DAOA: variants seen among roughly 807,000 people sequenced by gnomAD.
The protein encoded by DAOA is D-amino acid oxidase regulator.
In DAOA, 15 loss-of-function variants were observed where a neutral mutation model predicts 16.4. The observed-to-expected ratio is 0.91, with a 90% CI of 0.61 to 1.41. The LOEUF is 1.41. DAOA is among the 40% of genes most tolerant of loss of function. The probability of loss-of-function intolerance (pLI) is 0.00; values close to 1 mark genes in which losing one functional copy is unlikely to be tolerated. For synonymous variants in DAOA, 75 were observed against 59.1 expected, an observed-to-expected ratio of 1.27 and a Z score of -1.23; for missense variants, 230 against 176.8, an observed-to-expected ratio of 1.30 and a Z score of -1.71.
intron 3 of DAOA, among the ~76,000 whole-genome samples, chr13:105,470,930 A>G (rs1876897233): frequency 6.6e-6 from 1 of 152,000 alleles, no homozygotes; most frequent in South Asian, 2.1e-4. Flanking sequence ...AGCTGGGACT[A>G]CAGGCGCCCA....
intron 4 of DAOA, among the ~76,000 whole-genome samples, chr13:105,474,375 T>A (rs1397914438): frequency 6.6e-6 from 1 of 152,052 alleles, no homozygotes; most frequent in East Asian, 1.9e-4. Context: ...CGCGTGTGTG[T>A]GTGCGTGTGT....
At chr13:105,486,701 C>A (rs553784424) in intron 4 of DAOA, among the ~76,000 whole-genome samples, 2 of 151,916 alleles carry the variant, frequency 1.3e-5, no homozygotes, top group Non-Finnish European at 2.9e-5. Flanking sequence ...TCACTGCAAC[C>A]TCTGCCTCCC....
intron 4 of DAOA, among the ~76,000 whole-genome samples, chr13:105,481,873 A>C (rs1877771283): frequency 6.6e-6 from 1 of 152,308 alleles, no homozygotes; most frequent in Admixed American, 6.5e-5. Flanking sequence ...AATGTTTTTT[A>C]TACTTGCTGT....
At chr13:105,474,506 A>G (rs1877209364) in intron 4 of DAOA, among the ~76,000 whole-genome samples, 1 of 152,112 alleles carries the variant, frequency 6.6e-6, no homozygotes, top group African/African-American at 2.4e-5. Flanking sequence ...ACAATGTTCT[A>G]TCAACTTGCA....
chr13:105,484,850 T>C (rs928973861), intron 4 of DAOA, among the ~76,000 whole-genome samples: 2 of 152,198 alleles, frequency 1.3e-5, no homozygotes, highest in Non-Finnish European at 2.9e-5. Context: ...TAAATAGAAA[T>C]ATTGAAAGCA....
chr13:105,478,066 G>T (rs896439914), intron 4 of DAOA, among the ~76,000 whole-genome samples: 1 of 152,204 alleles, frequency 6.6e-6, no homozygotes, highest in African/African-American at 2.4e-5. Context: ...AATATATTTG[G>T]TTTCTTGGTC....
intron 4 of DAOA, among the ~76,000 whole-genome samples, chr13:105,478,815 T>A (rs1226454096): frequency 6.6e-6 from 1 of 152,202 alleles, no homozygotes; most frequent in Non-Finnish European, 1.5e-5. Flanking sequence ...GTTTTGCTAT[T>A]TCATTATGCC....
At chr13:105,481,142 G>C (rs150100853) in intron 4 of DAOA, among the ~76,000 whole-genome samples, 1 of 152,132 alleles carries the variant, frequency 6.6e-6, no homozygotes, top group African/African-American at 2.4e-5. Context: ...TGAACTCCTT[G>C]GAAACATATT....
rs995108905 is a variant in DAOA at position 105,490,157 on chromosome 13, C to G, written c.*76C>G. 6.8e-6 allele frequency: 10 copies of G among 1,472,834 alleles called. No individual in the cohort carries two copies. In the African/African-American group the frequency reaches 1.3e-4, roughly 19 times the overall value. The allele number at this position is 1,472,834 out of a possible 1,614,324, so 91.2% of individuals were successfully genotyped here. A position where few individuals can be genotyped will look rare whatever the true frequency, so the allele number is the denominator to read the frequency against. On this transcript the variant is annotated 3_prime_UTR_variant, in exon 5 of 6. Transcript: ENST00000375936. ...GGCCAACATCTTCACTGGACTCTGA[C>G]GGACTCTGTGTCTGGGACCCAGCTG... is the stretch of plus-strand genomic sequence containing the variant.
intron 5 of DAOA, chr13:105,490,646 G>T (rs1289941278): frequency 6.6e-6 from 1 of 151,924 alleles, no homozygotes; most frequent in Non-Finnish European, 1.5e-5. Context: ...AATAATGGAA[G>T]CATTACTTTT....
intron 5 of DAOA, 24 bp from the exon 6 acceptor site, chr13:105,490,888 A>G (rs1026549318): frequency 4.6e-5 from 7 of 152,026 alleles, no homozygotes; most frequent in African/African-American, 1.7e-4. Context: ...TTTTCTTATT[A>G]TTGTTTTGTT....
chr13:105,490,180 CTGA>C lies in DAOA; in HGVS notation c.*101_*103del. Reference sequence around the variant, plus strand: ...GACGGACTCTGTGTCTGGGACCCAGCTGATAACACGTGGTAATATGTTTTATAA... The same window carrying C: ...GACGGACTCTGTGTCTGGGACCCAGCTAACACGTGGTAATATGTTTTATAA... On this transcript the variant is annotated 3_prime_UTR_variant, in exon 5 of 6. Coordinates refer to ENST00000375936, the MANE Select transcript of DAOA (RefSeq NM_172370.5). 7.4e-7 allele frequency: 1 copy of C among 1,359,286 alleles called. No individual in the cohort carries two copies. Among genetic ancestry groups the C allele is most frequent in the Non-Finnish European group, 9.6e-7 (1 of 1,042,212 alleles). 84.2% of individuals were successfully genotyped at this position (1,359,286 alleles called of 1,614,324 possible). A position where few individuals can be genotyped will look rare whatever the true frequency, so the allele number is the denominator to read the frequency against.
At chr13:105,487,464 C>T (rs976915123) in intron 4 of DAOA, among the ~76,000 whole-genome samples, 1 of 152,042 alleles carries the variant, frequency 6.6e-6, no homozygotes. Context: ...TTAACATTCC[C>T]TGTCTTTGGA....
chr13:105,480,133 C>T (rs1877611229), intron 4 of DAOA, among the ~76,000 whole-genome samples: 1 of 152,116 alleles, frequency 6.6e-6, no homozygotes, highest in South Asian at 2.1e-4. Context: ...AATATTCAGC[C>T]AGTCACATCT....
chr13:105,468,481 G>A (rs954613929), intron 3 of DAOA, among the ~76,000 whole-genome samples: 2 of 152,102 alleles, frequency 1.3e-5, no homozygotes, highest in Admixed American at 1.3e-4. Context: ...ATGATTACTT[G>A]AATATGTTGG....
At chr13:105,482,671 C>A (rs888418463) in intron 4 of DAOA, among the ~76,000 whole-genome samples, 1 of 151,958 alleles carries the variant, frequency 6.6e-6, no homozygotes, top group African/African-American at 2.4e-5. Flanking sequence ...CCACGTCTGG[C>A]TACTTTTTGT....
At position 105,467,134 on chromosome 13, in the gene DAOA, C is replaced by G. The variant is rs367543078; in HGVS notation, c.126C>G (p.Asn42Lys). 3 of 1,608,086 alleles carry G rather than the reference C, an allele frequency of 1.9e-6. No individual in the cohort carries two copies. The highest frequency in any genetic ancestry group is 1.1e-5 in the South Asian group (1 of 90,480). ...ILLSKSENSL[N>K]SIAKETEEGR... ...TGAGCAAATCTGAAAACTCTCTAAA[C>G]TCTATTGGTATGTTACTCTTTATCT... is the stretch of plus-strand genomic sequence containing the variant. The change falls in exon 3 of 6, where the codon AAC (asparagine) becomes AAG (lysine). Residue 42 changes from asparagine (N) to lysine (K), a missense_variant. Asn to Lys is a moderately conservative substitution (Grantham distance 94). Coordinates refer to ENST00000375936, the MANE Select transcript of DAOA (RefSeq NM_172370.5).
intron 4 of DAOA, among the ~76,000 whole-genome samples, chr13:105,484,952 GT>G (rs1321521796): frequency 6.6e-6 from 1 of 152,154 alleles, no homozygotes; most frequent in Non-Finnish European, 1.5e-5. Context: ...GCTGCCTGAT[GT>G]TTTTTGTCTC....
chr13:105,484,494 C>T (rs1877975300), intron 4 of DAOA, among the ~76,000 whole-genome samples: 1 of 151,930 alleles, frequency 6.6e-6, no homozygotes, highest in Non-Finnish European at 1.5e-5. Flanking sequence ...TTAATTTTTC[C>T]TTAGTGTTTT....
Sources: allele counts gnomAD v4.1 joint callset (sites outside exome capture counted in the v4.1 genomes callset), GRCh38; gene constraint gnomAD v4.1.1; transcripts MANE v1.5; gene names NCBI Gene and HGNC (gene_info 2026-07-23, HGNC 2026-07-21).